The following SLC24A3 variants were observed in gnomAD, a reference collection of about 807,000 sequenced individuals.
The protein encoded by SLC24A3 is solute carrier family 24 member 3.
SLC24A3 carries 28 observed loss-of-function variants against 75.8 expected under a neutral mutation model. The observed-to-expected ratio is 0.37, with a 90% CI of 0.27 to 0.51. The LOEUF (loss-of-function observed/expected upper bound fraction) is 0.51, where lower values mean the gene tolerates loss of function less well. Ranked by LOEUF, SLC24A3 falls within the 20% of genes least tolerant of loss-of-function variation. SLC24A3 has a pLI of 0.94. For synonymous variants in SLC24A3, 372 were observed against 334.1 expected (o/e 1.11, Z -1.24); for missense variants, 663 against 847.8 (o/e 0.78, Z 2.71).
At chr20:19,548,821 G>A (rs1209310680) in intron 3 of SLC24A3, among the ~76,000 whole-genome samples, 7 of 152,156 alleles carry the variant, frequency 4.6e-5, no homozygotes, top group Non-Finnish European at 1.0e-4. Flanking sequence ...TAACACCAAG[G>A]TGTGCACACA....
At chr20:19,689,841 G>A (rs1600342210) in intron 12 of SLC24A3, among the ~76,000 whole-genome samples, 1 of 152,008 alleles carries the variant, frequency 6.6e-6, no homozygotes, top group Non-Finnish European at 1.5e-5. Context: ...GACCAGCCTG[G>A]CCAACATGGC....
chr20:19,362,965 C>T (rs978897241), intron 2 of SLC24A3, among the ~76,000 whole-genome samples: 4 of 152,214 alleles, frequency 2.6e-5, no homozygotes, highest in Admixed American at 6.5e-5. Context: ...TTTTCAAACA[C>T]GGTTAAGTAT....
intron 15 of SLC24A3, among the ~76,000 whole-genome samples, chr20:19,716,575 G>A: frequency 6.6e-6 from 1 of 152,064 alleles, no homozygotes; most frequent in African/African-American, 2.4e-5. Flanking sequence ...AAGGCTGGGT[G>A]CAGTGTCTCA....
intron 2 of SLC24A3, among the ~76,000 whole-genome samples, chr20:19,419,974 C>T (rs1986890783): frequency 2.0e-5 from 2 of 101,836 alleles, no homozygotes; most frequent in Non-Finnish European, 3.9e-5. Flanking sequence ...GCTATCCCTC[C>T]CCCCTCCCCC....
intron 2 of SLC24A3, among the ~76,000 whole-genome samples, chr20:19,440,813 G>A (rs1293046972): frequency 1.3e-5 from 2 of 152,154 alleles, no homozygotes; most frequent in South Asian, 4.1e-4. Context: ...GGGATGGATG[G>A]AAGATGAACT....
intron 2 of SLC24A3, among the ~76,000 whole-genome samples, chr20:19,303,437 G>A (rs774637557): frequency 2.6e-5 from 4 of 152,168 alleles, no homozygotes; most frequent in Non-Finnish European, 4.4e-5. Context: ...TTGATTCCAT[G>A]TCCTTGCTAT....
chr20:19,305,593 G>T (rs765919015), intron 2 of SLC24A3, among the ~76,000 whole-genome samples: 126 of 152,108 alleles, frequency 8.3e-4, no homozygotes, highest in Non-Finnish European at 1.6e-3. Flanking sequence ...ACAGGATAGA[G>T]AACCCAGAAA....
Position 19,684,155 on chromosome 20 carries a change from TTA to T in SLC24A3, c.902-19_902-18del. ...CTCCTGGCCTCCATGTTATTTTACC[TTA>T]TGTTTTTCGTTTCCCTAGCAAATTT... On this transcript the variant is annotated intron_variant, in intron 10 of 16. Transcript: ENST00000328041. 6.2e-7 allele frequency: 1 copy of T among 1,610,070 alleles called. No homozygotes were observed. The highest frequency in any genetic ancestry group is 8.5e-7 in the Non-Finnish European group (1 of 1,176,748).
At chr20:19,363,997 G>T (rs1330285513) in intron 2 of SLC24A3, among the ~76,000 whole-genome samples, 1 of 152,148 alleles carries the variant, frequency 6.6e-6, no homozygotes, top group Non-Finnish European at 1.5e-5. Context: ...GGCCCAGTCA[G>T]ATCTTCGGTG....
At chr20:19,332,759 A>G (rs1241901858) in intron 2 of SLC24A3, among the ~76,000 whole-genome samples, 1 of 152,192 alleles carries the variant, frequency 6.6e-6, no homozygotes, top group Admixed American at 6.5e-5. Flanking sequence ...CCTTGGTCCC[A>G]TGAACACTCC....
chr20:19,515,075 G>A (rs6132211), intron 2 of SLC24A3, among the ~76,000 whole-genome samples: 1 of 152,196 alleles, frequency 6.6e-6, no homozygotes, highest in South Asian at 2.1e-4. Context: ...AGTACATAAG[G>A]TTACACATGG....
intron 2 of SLC24A3, among the ~76,000 whole-genome samples, chr20:19,460,083 C>T (rs6106082): frequency 0.69 from 105,330 of 151,992 alleles, 37,607 homozygotes; most frequent in African/African-American, 0.87. Context: ...GGGATGCATC[C>T]AGGCCACAAA....
intron 3 of SLC24A3, among the ~76,000 whole-genome samples, chr20:19,559,118 C>G (rs1212331150): frequency 6.6e-6 from 1 of 152,192 alleles, no homozygotes; most frequent in African/African-American, 2.4e-5. Flanking sequence ...GCTCTATGCT[C>G]TCACAAGCAC....
Position 19,721,468 on chromosome 20 carries a change from C to G in SLC24A3, c.*328C>G. On this transcript the variant is annotated 3_prime_UTR_variant, in exon 17 of 17. Transcript: ENST00000328041. ...TGGCCTGAGCCAGGCAACACTGATT[C>G]CAATCCCTCCTCCTTTTTTAAGTTA... 1 of 250,866 alleles carries G rather than the reference C, an allele frequency of 4.0e-6. No homozygotes were observed. Among genetic ancestry groups the G allele is most frequent in the Non-Finnish European group, 7.6e-6 (1 of 131,566 alleles). 15.5% of individuals were successfully genotyped at this position (250,866 alleles called of 1,614,324 possible). A position where few individuals can be genotyped will look rare whatever the true frequency, so the allele number is the denominator to read the frequency against.
chr20:19,547,020 A>T (rs1000789449), intron 3 of SLC24A3, among the ~76,000 whole-genome samples: 2 of 152,216 alleles, frequency 1.3e-5, no homozygotes, highest in African/African-American at 4.8e-5. Flanking sequence ...GAAGGTGTTT[A>T]TGACCACCCA....
chr20:19,344,920 AAAT>A (rs1292493271), intron 2 of SLC24A3, among the ~76,000 whole-genome samples: 4 of 152,192 alleles, frequency 2.6e-5, no homozygotes, highest in Non-Finnish European at 5.9e-5. Flanking sequence ...CTAAGATCAG[AAAT>A]AAGGCAAAAA....
intron 1 of SLC24A3, among the ~76,000 whole-genome samples, chr20:19,268,116 C>T (rs904256240): frequency 6.6e-6 from 1 of 152,072 alleles, no homozygotes; most frequent in African/African-American, 2.4e-5. Context: ...ATGTAAGGTG[C>T]ATCATGCTGT....
chr20:19,446,616 T>A (rs745925774), intron 2 of SLC24A3, among the ~76,000 whole-genome samples: 2 of 152,192 alleles, frequency 1.3e-5, no homozygotes, highest in Non-Finnish European at 2.9e-5. Context: ...GTGCTCTTTA[T>A]GTGACCTTGA....
chr20:19,262,206 A>G (rs1983011468), intron 1 of SLC24A3, among the ~76,000 whole-genome samples: 1 of 151,806 alleles, frequency 6.6e-6, no homozygotes, highest in South Asian at 2.1e-4. Flanking sequence ...GATCGAGACC[A>G]TCCTGGCTAA....
Sources: gnomAD v4.1 joint callset for allele counts (sites outside exome capture counted in the v4.1 genomes callset) on GRCh38, gnomAD v4.1.1 for gene constraint, MANE v1.5 for transcripts, NCBI Gene and HGNC (gene_info 2026-07-23, HGNC 2026-07-21) for gene names.